UNCX: variants seen among roughly 807,000 people sequenced by gnomAD.
The protein encoded by UNCX is homeobox protein unc-4 homolog.
UNCX carries 4 observed loss-of-function variants against 14.8 expected under a neutral mutation model. That is an observed-to-expected ratio of 0.27 (90% CI 0.13 to 0.62). The LOEUF is 0.62. Ranked by LOEUF, UNCX falls within the 20% of genes least tolerant of loss-of-function variation. The probability of loss-of-function intolerance (pLI) is 0.86; values close to 1 mark genes in which losing one functional copy is unlikely to be tolerated. For missense variants in UNCX, 749 were observed against 786.8 expected, an observed-to-expected ratio of 0.95 and a Z score of 0.58; for synonymous variants, 459 against 395.8, an observed-to-expected ratio of 1.16 and a Z score of -1.90.
Position 1,236,629 on chromosome 7 carries a change from G to C in UNCX, c.1248G>C (p.Pro416=), listed in dbSNP as rs1178943597. The change falls in exon 3 of 3, where the codon CCG becomes CCC. Residue 416 remains proline, a synonymous_variant. Transcript: ENST00000316333. The surrounding 1 kb of genome is among the most constrained non-coding windows in gnomAD (Gnocchi z 6.9). The part of the protein sequence containing the change: ...PKDAPPAPAV[P]PAPPAQASFG... ...ACGCGCCGCCCGCGCCCGCCGTGCC[G>C]CCCGCGCCGCCTGCCCAGGCCAGTT... 1 of 1,057,014 alleles carries C rather than the reference G, an allele frequency of 9.5e-7. No individual in the cohort carries two copies. Among genetic ancestry groups the C allele is most frequent in the Non-Finnish European group, 1.1e-6 (1 of 882,456 alleles). 65.5% of individuals were successfully genotyped at this position (1,057,014 alleles called of 1,614,324 possible). A position where few individuals can be genotyped will look rare whatever the true frequency, so the allele number is the denominator to read the frequency against.
Position 1,233,828 on chromosome 7 carries a change from G to A in UNCX, c.450+133G>A, listed in dbSNP as rs1420624215. ...CGCTTCGCGCTCGCCTGCTGGGGAA[G>A]AGTGGAGGGGTGGGGGTTCTGGGGC... is the stretch of plus-strand genomic sequence containing the variant. On this transcript the variant is annotated intron_variant, in intron 2 of 2. Transcript: ENST00000316333. This position sits in a 1 kb window ranked among gnomAD's most constrained non-coding sequence, Gnocchi z 5.3. The A allele has an allele frequency of 8.5e-7, 1 of 1,176,164 alleles. No homozygotes were observed. The highest frequency in any genetic ancestry group is 1.2e-6 in the Non-Finnish European group (1 of 866,334). 72.9% of individuals were successfully genotyped at this position (1,176,164 alleles called of 1,614,324 possible). A position where few individuals can be genotyped will look rare whatever the true frequency, so the allele number is the denominator to read the frequency against.
chr7:1,236,476 G>A lies in UNCX; in HGVS notation c.1095G>A (p.Leu365=). The A allele has an allele frequency of 7.2e-7, 1 of 1,384,580 alleles. No individual in the cohort carries two copies. Among genetic ancestry groups the A allele is most frequent in the Non-Finnish European group, 9.4e-7 (1 of 1,066,298 alleles). The allele number at this position is 1,384,580 out of a possible 1,614,324, so 85.8% of individuals were successfully genotyped here. The part of the protein sequence containing the change: ...AAAGLDFAPG[L]PCAPRTLIGK... ...CGGGGCTGGACTTCGCGCCCGGGCT[G>A]CCGTGCGCGCCGCGGACCCTGATCG... is the stretch of plus-strand genomic sequence containing the variant. The change falls in exon 3 of 3, where the codon CTG becomes CTA. Residue 365 remains leucine (L), a synonymous_variant. Coordinates refer to ENST00000316333, the MANE Select transcript of UNCX (RefSeq NM_001080461.3). The surrounding 1 kb of genome is among the most constrained non-coding windows in gnomAD (Gnocchi z 6.9).
At position 1,236,340 on chromosome 7, in the gene UNCX, A is replaced by G. The variant is rs1778740687; in HGVS notation, c.959A>G (p.Glu320Gly). Residue 320 changes from glutamate to glycine, a missense_variant, in exon 3 of 3, where the codon GAG (glutamate) becomes GGG (glycine). Around this residue, in one of 3 missense-constraint regions of UNCX, gnomAD observed 552 missense variants for 507.2 expected, o/e 1.09. Transcript: ENST00000316333. This position sits in a 1 kb window ranked among gnomAD's most constrained non-coding sequence, Gnocchi z 6.9. The stretch of plus-strand genomic sequence containing the variant: ...CCAGGGGCCGCTGTGGCGGCGGTGG[A>G]GCGCGGCGCCGCGGGGCTGCCCAAG... ...CGPGAAVAAV[E>G]RGAAGLPKAS... 1 of 1,295,356 alleles carries G rather than the reference A, an allele frequency of 7.7e-7. No individual in the cohort carries two copies. The highest frequency in any genetic ancestry group is 9.8e-7 in the Non-Finnish European group (1 of 1,021,594). 80.2% of individuals were successfully genotyped at this position (1,295,356 alleles called of 1,614,324 possible). A position where few individuals can be genotyped will look rare whatever the true frequency, so the allele number is the denominator to read the frequency against.
chr7:1,237,110 T>A lies in UNCX; in HGVS notation c.*133T>A. Reference sequence around the variant, plus strand: ...TTTTCTTTTGTTTTCTTTCTTTTATTATTTTTTTTAAGAGTAAACGAAAGT... The same window carrying A: ...TTTTCTTTTGTTTTCTTTCTTTTATAATTTTTTTTAAGAGTAAACGAAAGT... On this transcript the variant is annotated 3_prime_UTR_variant, in exon 3 of 3. Transcript: ENST00000316333. The surrounding 1 kb of genome is among the most constrained non-coding windows in gnomAD (Gnocchi z 5.8). 4 of 883,942 alleles carry A rather than the reference T, an allele frequency of 4.5e-6. No homozygotes were observed. Among genetic ancestry groups the A allele is most frequent in the Non-Finnish European group, 5.5e-6 (4 of 722,222 alleles). 54.8% of individuals were successfully genotyped at this position (883,942 alleles called of 1,614,324 possible). A position where few individuals can be genotyped will look rare whatever the true frequency, so the allele number is the denominator to read the frequency against.
At chr7:1,234,079 C>A (rs1006313081) in intron 2 of UNCX, among the ~76,000 whole-genome samples, 61 of 150,644 alleles carry the variant, frequency 4.0e-4, no homozygotes, top group Admixed American at 3.9e-3. Context: ...GAAGGGGACC[C>A]CCCCCCGCCC....
In UNCX at chr7:1,237,026, C is replaced by T; in HGVS notation, c.*49C>T. ...CGTAGCCGGCCCGCGGCCGCTCGCT[C>T]AGGCTCCGACTCACGCAACGAATCA... is the stretch of plus-strand genomic sequence containing the variant. On this transcript the variant is annotated 3_prime_UTR_variant, in exon 3 of 3. Coordinates refer to ENST00000316333, the MANE Select transcript of UNCX (RefSeq NM_001080461.3). This position sits in a 1 kb window ranked among gnomAD's most constrained non-coding sequence, Gnocchi z 5.8. The T allele has an allele frequency of 8.9e-7, 1 of 1,125,224 alleles. No individual in the cohort carries two copies. Among genetic ancestry groups the T allele is most frequent in the Non-Finnish European group, 1.1e-6 (1 of 919,168 alleles). The allele number at this position is 1,125,224 out of a possible 1,614,324, so 69.7% of individuals were successfully genotyped here. A position where few individuals can be genotyped will look rare whatever the true frequency, so the allele number is the denominator to read the frequency against.
chr7:1,235,957 C>T lies in UNCX; in HGVS notation c.576C>T (p.Ile192=), dbSNP rs755901417. 2 of 1,612,310 alleles carry T rather than the reference C, an allele frequency of 1.2e-6. No individual in the cohort carries two copies. Among genetic ancestry groups the T allele is most frequent in the East Asian group, 2.2e-5 (1 of 44,852 alleles). ...CSGEPMDPEE[I]ARKELEKMEK... ...GCGAGCCCATGGACCCGGAGGAGATCGCGCGCAAGGAGCTGGAGAAGATGG... is the reference window on the plus strand; with the variant it reads ...GCGAGCCCATGGACCCGGAGGAGATTGCGCGCAAGGAGCTGGAGAAGATGG... Residue 192 remains isoleucine, a synonymous_variant, in exon 3 of 3, where the codon ATC becomes ATT. Coordinates refer to ENST00000316333, the MANE Select transcript of UNCX (RefSeq NM_001080461.3).
rs1018847320 is a variant in UNCX, at chr7:1,236,728, C to G, written c.1347C>G (p.Ser449=). 19 of 992,598 alleles carry G rather than the reference C, an allele frequency of 1.9e-5. No homozygotes were observed. The highest frequency in any genetic ancestry group is 2.2e-5 in the Non-Finnish European group (18 of 836,384). The allele number at this position is 992,598 out of a possible 1,614,324, so 61.5% of individuals were successfully genotyped here. The change falls in exon 3 of 3, where the codon TCC becomes TCG. Residue 449 remains serine, a synonymous_variant. Coordinates refer to ENST00000316333, the MANE Select transcript of UNCX (RefSeq NM_001080461.3). This position sits in a 1 kb window ranked among gnomAD's most constrained non-coding sequence, Gnocchi z 6.9. ...GTCGCAGCCCCGACGCCGTCGCCTC[C>G]CCGGGGGCCCCAGCCCCGGCCCCGG... ...FARRSPDAVA[S]PGAPAPAPAP...
chr7:1,233,422 C>CCCG lies in UNCX; in HGVS notation c.275-96_275-95insGCC, dbSNP rs1778682959. Reference sequence around the variant, plus strand: ...CTAGGCGGCCGTCTCTGCGCCCCCCCCCCCGGATCCAGGCGGCCAGCGGGT... The same window carrying CCCG: ...CTAGGCGGCCGTCTCTGCGCCCCCCCCCGCCCCGGATCCAGGCGGCCAGCGGGT... On this transcript the variant is annotated intron_variant, in intron 1 of 2. Transcript: ENST00000316333. The surrounding 1 kb of genome is among the most constrained non-coding windows in gnomAD (Gnocchi z 5.3). The CCCG allele has an allele frequency of 2.2e-6, 3 of 1,378,392 alleles. No individual in the cohort carries two copies. The highest frequency in any genetic ancestry group is 1.5e-5 in the African/African-American group (1 of 64,842). 85.4% of individuals were successfully genotyped at this position (1,378,392 alleles called of 1,614,324 possible).
Position 1,232,956 on chromosome 7 carries a change from C to CGCCCCG in UNCX, c.-51_-46dup, listed in dbSNP as rs1350986413. ...CCGCCCGCGCCTCCCGCCGCTGGCC[C>CGCCCCG]GCCCCGGCCCCGGCCCGCGCCCCCG... On this transcript the variant is annotated 5_prime_UTR_variant, in exon 1 of 3. Coordinates refer to ENST00000316333, the MANE Select transcript of UNCX (RefSeq NM_001080461.3). 1 of 880,952 alleles carries CGCCCCG rather than the reference C, an allele frequency of 1.1e-6. No individual in the cohort carries two copies. Among genetic ancestry groups the CGCCCCG allele is most frequent in the African/African-American group, 1.8e-5 (1 of 54,266 alleles). The allele number at this position is 880,952 out of a possible 1,614,324, so 54.6% of individuals were successfully genotyped here.
intron 2 of UNCX, 90 bp from the exon 3 acceptor site, chr7:1,235,742 G>A: frequency 2.5e-6 from 3 of 1,202,910 alleles, no homozygotes; most frequent in Non-Finnish European, 3.5e-6. Context: ...GGTTGTGCAG[G>A]CCCCTCTGGG....
intron 2 of UNCX, 91 bp from the exon 3 acceptor site, chr7:1,235,741 G>C (rs528457788): frequency 4.2e-6 from 5 of 1,201,978 alleles, no homozygotes; most frequent in Non-Finnish European, 5.8e-6. Context: ...AGGTTGTGCA[G>C]GCCCCTCTGG....
At position 1,236,787 on chromosome 7, in the gene UNCX, C is replaced by T; in HGVS notation, c.1406C>T (p.Thr469Ile). ...CGGGACCTCGCCTCGGCAGCGGCTA[C>T]CGAGGGCGGCGGCGGGGACTGCGCG... The part of the protein sequence containing the change: ...PFRDLASAAA[T>I]EGGGGDCADA... The change falls in exon 3 of 3, where the codon ACC (threonine) becomes ATC (isoleucine). Residue 469 changes from threonine to isoleucine, a missense_variant. Thr to Ile is a moderately conservative substitution (Grantham distance 89). Transcript: ENST00000316333. The surrounding 1 kb of genome is among the most constrained non-coding windows in gnomAD (Gnocchi z 6.9). 6.1e-6 allele frequency: 6 copies of T among 986,958 alleles called. No individual in the cohort carries two copies. The highest frequency in any genetic ancestry group is 7.2e-6 in the Non-Finnish European group (6 of 832,564). The allele number at this position is 986,958 out of a possible 1,614,324, so 61.1% of individuals were successfully genotyped here.
chr7:1,236,189 G>A lies in UNCX; in HGVS notation c.808G>A (p.Ala270Thr). The A allele has an allele frequency of 1.6e-6, 2 of 1,288,570 alleles. No individual in the cohort carries two copies. The highest frequency in any genetic ancestry group is 2.0e-6 in the Non-Finnish European group (2 of 1,006,038). 79.8% of individuals were successfully genotyped at this position (1,288,570 alleles called of 1,614,324 possible). A position where few individuals can be genotyped will look rare whatever the true frequency, so the allele number is the denominator to read the frequency against. The change falls in exon 3 of 3, where the codon GCC (alanine) becomes ACC (threonine). Residue 270 changes from alanine to threonine, a missense_variant. Physicochemically the swap from Ala to Thr is moderately conservative, Grantham distance 58 (BLOSUM62 0). Around this residue, in one of 3 missense-constraint regions of UNCX, gnomAD observed 552 missense variants for 507.2 expected, o/e 1.09. Coordinates refer to ENST00000316333, the MANE Select transcript of UNCX (RefSeq NM_001080461.3). This position sits in a 1 kb window ranked among gnomAD's most constrained non-coding sequence, Gnocchi z 6.9. ...CTCGGGCGCCGCGGGGACCGCGCCC[G>A]CCCCTCCCGGCGAGCCGCCTGCACC... ...HASGAAGTAP[A>T]PPGEPPAPGT...
At chr7:1,235,734 T>G (rs982584493) in intron 2 of UNCX, 98 bp from the exon 3 acceptor site, 9 of 1,099,226 alleles carry the variant, frequency 8.2e-6, no homozygotes, top group Non-Finnish European at 1.0e-5. Context: ...CGAGCGGAGG[T>G]TGTGCAGGCC....
Position 1,233,229 on chromosome 7 carries a change from C to T in UNCX, c.212C>T (p.Pro71Leu). ...GCCGCCGCCGCCTCGGTGGTCAACC[C>T]CACGCCGCTGCTGCCAGCCGCCTGC... Reference protein sequence around the residue: ...SCAAAASVVNPTPLLPAACGV... With the variant: ...SCAAAASVVNLTPLLPAACGV... The change falls in exon 1 of 3, where the codon CCC (proline) becomes CTC (leucine). Residue 71 changes from proline to leucine, a missense_variant. Transcript: ENST00000316333. This position sits in a 1 kb window ranked among gnomAD's most constrained non-coding sequence, Gnocchi z 5.3. The T allele has an allele frequency of 1.4e-6, 2 of 1,411,194 alleles. No homozygotes were observed. The highest frequency in any genetic ancestry group is 9.2e-7 in the Non-Finnish European group (1 of 1,085,966). The allele number at this position is 1,411,194 out of a possible 1,614,324, so 87.4% of individuals were successfully genotyped here. A position where few individuals can be genotyped will look rare whatever the true frequency, so the allele number is the denominator to read the frequency against.
rs1319365468 is a variant in UNCX at position 1,237,012 on chromosome 7, C to G, written c.*35C>G. The G allele has an allele frequency of 5.2e-6, 6 of 1,148,556 alleles. No homozygotes were observed. The highest frequency in any genetic ancestry group is 6.4e-6 in the Non-Finnish European group (6 of 934,226). 71.1% of individuals were successfully genotyped at this position (1,148,556 alleles called of 1,614,324 possible). ...GGCCGGGAGAGGCGCGTAGCCGGCCCGCGGCCGCTCGCTCAGGCTCCGACT... is the reference window on the plus strand; with the variant it reads ...GGCCGGGAGAGGCGCGTAGCCGGCCGGCGGCCGCTCGCTCAGGCTCCGACT... On this transcript the variant is annotated 3_prime_UTR_variant, in exon 3 of 3. Coordinates refer to ENST00000316333, the MANE Select transcript of UNCX (RefSeq NM_001080461.3). The surrounding 1 kb of genome is among the most constrained non-coding windows in gnomAD (Gnocchi z 5.8).
chr7:1,236,251 A>T lies in UNCX; in HGVS notation c.870A>T (p.Arg290Ser). The T allele has an allele frequency of 7.3e-7, 1 of 1,375,860 alleles. No homozygotes were observed. The highest frequency in any genetic ancestry group is 1.4e-5 in the South Asian group (1 of 73,486). 85.2% of individuals were successfully genotyped at this position (1,375,860 alleles called of 1,614,324 possible). Reference protein sequence around the residue: ...TCDPAFYPSQRSGAGPQPRPG... With the variant: ...TCDPAFYPSQSSGAGPQPRPG... ...ACCCCGCCTTCTACCCGAGCCAAAG[A>T]AGCGGCGCCGGCCCACAGCCGCGCC... The change falls in exon 3 of 3, where the codon AGA becomes AGT. Residue 290 changes from arginine to serine, a missense_variant. Around this residue, in one of 3 missense-constraint regions of UNCX, gnomAD observed 552 missense variants for 507.2 expected, o/e 1.09. Coordinates refer to ENST00000316333, the MANE Select transcript of UNCX (RefSeq NM_001080461.3). This position sits in a 1 kb window ranked among gnomAD's most constrained non-coding sequence, Gnocchi z 6.9.
rs747230679 is a variant in UNCX, at chr7:1,233,697, TAA to T, written c.450+4_450+5del. On this transcript the variant is annotated splice_donor_region_variant and intron_variant, in intron 2 of 2. Coordinates refer to ENST00000316333, the MANE Select transcript of UNCX (RefSeq NM_001080461.3). This position sits in a 1 kb window ranked among gnomAD's most constrained non-coding sequence, Gnocchi z 5.3. ...GACCTGGTCGAGTCCCGAGTTCAGG[TAA>T]AGACCCGGCGTCGCTCCCGGATCTG... 6.3e-7 allele frequency: 1 copy of T among 1,591,044 alleles called. No individual in the cohort carries two copies.
Sources: allele counts gnomAD v4.1 joint callset (sites outside exome capture counted in the v4.1 genomes callset), GRCh38; gene constraint gnomAD v4.1.1; regional missense constraint gnomAD v4.1.1; non-coding constraint Gnocchi (gnomAD v3.1); transcripts MANE v1.5; gene names NCBI Gene and HGNC (gene_info 2026-07-23, HGNC 2026-07-21).